ADGRG7: variants seen among roughly 807,000 people sequenced by gnomAD.
The protein encoded by ADGRG7 is adhesion G protein-coupled receptor G7.
Under a neutral mutation model 88.6 loss-of-function variants are expected in ADGRG7, and 82 were observed. The ratio of observed to expected loss-of-function variants is 0.93; its 90% CI spans 0.77 to 1.11. The LOEUF is 1.11. ADGRG7 is among the 50% of genes most tolerant of loss of function. The pLI, the probability that ADGRG7 is intolerant of heterozygous loss-of-function variation, is 0.00. For synonymous variants in ADGRG7, 381 were observed against 345.2 expected (o/e 1.10, Z -1.15); for missense variants, 945 against 953.4 (o/e 0.99, Z 0.12).
At chr3:100,680,473 A>C (rs1325899815) in intron 15 of ADGRG7, among the ~76,000 whole-genome samples, 2 of 151,900 alleles carry the variant, frequency 1.3e-5, no homozygotes, top group East Asian at 3.9e-4. Context: ...ATATGGGTTA[A>C]TTTGTGTCTA....
intron 10 of ADGRG7, among the ~76,000 whole-genome samples, chr3:100,647,925 C>T (rs1394567926): frequency 8.5e-5 from 13 of 152,138 alleles, no homozygotes; most frequent in African/African-American, 3.1e-4. Context: ...ATTATCAAAG[C>T]ACAGAACCTT....
At chr3:100,674,467 A>G (rs141432832) in intron 15 of ADGRG7, among the ~76,000 whole-genome samples, 220 of 152,068 alleles carry the variant, frequency 1.4e-3, no homozygotes, top group African/African-American at 5.0e-3. Context: ...AATTGGTTGC[A>G]TGCAGGTTTT....
chr3:100,673,988 T>A (rs2094961825), intron 15 of ADGRG7, among the ~76,000 whole-genome samples: 1 of 152,226 alleles, frequency 6.6e-6, no homozygotes, highest in Non-Finnish European at 1.5e-5. Flanking sequence ...ACAGTGTCAA[T>A]CTTAGATCTT....
Position 100,659,668 on chromosome 3 carries a change from ATT to A in ADGRG7, c.1824-11_1824-10del. The A allele has an allele frequency of 6.6e-7, 1 of 1,514,378 alleles. No individual in the cohort carries two copies. 93.8% of individuals were successfully genotyped at this position (1,514,378 alleles called of 1,614,324 possible). ...ATACCTTTCTTAGTCTGCTGAAGCAATTTTTTTTTTCCTCCACAGCTGCTGGC... is the reference window on the plus strand; with the variant it reads ...ATACCTTTCTTAGTCTGCTGAAGCAATTTTTTTTCCTCCACAGCTGCTGGC... On this transcript the variant is annotated intron_variant, in intron 13 of 15. Coordinates refer to ENST00000273352, the MANE Select transcript of ADGRG7 (RefSeq NM_032787.3).
At chr3:100,661,378 C>T (rs980550505) in intron 14 of ADGRG7, among the ~76,000 whole-genome samples, 15 of 152,152 alleles carry the variant, frequency 9.9e-5, no homozygotes, top group African/African-American at 3.6e-4. Context: ...TGAGTAAAAG[C>T]CACCATCTTT....
At chr3:100,657,987 A>C (rs1189350731) in intron 13 of ADGRG7, among the ~76,000 whole-genome samples, 1 of 152,218 alleles carries the variant, frequency 6.6e-6, no homozygotes, top group African/African-American at 2.4e-5. Context: ...AATAAAATTA[A>C]TTGAATGCCA....
At chr3:100,659,435 G>A (rs1332636895) in intron 13 of ADGRG7, among the ~76,000 whole-genome samples, 1 of 60,174 alleles carries the variant, frequency 1.7e-5, no homozygotes. Flanking sequence ...GCAAGACTCA[G>A]TCTCAAAAAA....
At chr3:100,679,812 G>A (rs1166080279) in intron 15 of ADGRG7, among the ~76,000 whole-genome samples, 1 of 152,164 alleles carries the variant, frequency 6.6e-6, no homozygotes, top group Non-Finnish European at 1.5e-5. Context: ...GATTGATACA[G>A]ACAGTGTTAT....
intron 15 of ADGRG7, 97 bp from the exon 16 acceptor site, chr3:100,694,647 G>A: frequency 8.8e-7 from 1 of 1,135,426 alleles, no homozygotes; most frequent in East Asian, 2.4e-5. Flanking sequence ...GAAGTGCCGT[G>A]CAGATGAGAA....
At position 100,629,619 on chromosome 3, in the gene ADGRG7, G is replaced by C. The variant is rs532137582; in HGVS notation, c.137G>C (p.Ser46Thr). The C allele has an allele frequency of 2.5e-6, 4 of 1,612,054 alleles. No homozygotes were observed. In the African/African-American group the frequency reaches 5.3e-5, roughly 22 times the overall value. ...TTAGGAAAATCTACTTCCTCATCAA[G>C]CACCCCTACAGAGTTCTGCAGGAAT... ...IQRGKSTSSS[S>T]TPTEFCRNGG... The change falls in exon 2 of 16, where the codon AGC becomes ACC. Residue 46 changes from serine (S) to threonine (T), a missense_variant. Transcript: ENST00000273352.
At chr3:100,638,081 T>C (rs1707576774) in intron 6 of ADGRG7, among the ~76,000 whole-genome samples, 1 of 152,222 alleles carries the variant, frequency 6.6e-6, no homozygotes, top group Non-Finnish European at 1.5e-5. Flanking sequence ...AGCTCCACCA[T>C]CCATGGACAA....
chr3:100,645,590 C>G (rs1707730088), intron 8 of ADGRG7, among the ~76,000 whole-genome samples: 1 of 152,112 alleles, frequency 6.6e-6, no homozygotes, highest in Non-Finnish European at 1.5e-5. Context: ...CTGGAGCTAC[C>G]CACATGTTGT....
intron 14 of ADGRG7, among the ~76,000 whole-genome samples, chr3:100,660,351 C>T (rs2094943549): frequency 6.6e-6 from 1 of 152,146 alleles, no homozygotes; most frequent in Non-Finnish European, 1.5e-5. Context: ...GCCATCCAGG[C>T]TGGAGTGCAG....
chr3:100,639,010 CTGTGTGTGTGTGTGTGTGTGTG>C (rs56088926), intron 6 of ADGRG7, among the ~76,000 whole-genome samples: 3,821 of 147,116 alleles, frequency 0.026, 82 homozygotes, highest in Non-Finnish European at 0.036. Flanking sequence ...CCCTCTGTTT[CTGTGTGTGTGTGTGTGTGTGTG>C]TGTGTGTGTG....
intron 15 of ADGRG7, among the ~76,000 whole-genome samples, chr3:100,687,136 G>A (rs2149042676): frequency 6.6e-6 from 1 of 152,254 alleles, no homozygotes. Flanking sequence ...TATTCTCTTA[G>A]AAGCAATTGT....
intron 5 of ADGRG7, among the ~76,000 whole-genome samples, chr3:100,636,848 G>T (rs1214847043): frequency 6.6e-6 from 1 of 152,166 alleles, no homozygotes; most frequent in Non-Finnish European, 1.5e-5. Flanking sequence ...ACACACTCCT[G>T]AGTTATTGAT....
rs1576344344 is a variant in ADGRG7 at position 100,694,761 on chromosome 3, C to G, written c.2154C>G (p.Ile718Met). Residue 718 changes from isoleucine (I) to methionine (M), a missense_variant, in exon 16 of 16, where the codon ATC (isoleucine) becomes ATG (methionine). Ile to Met is a conservative substitution (Grantham distance 10). Coordinates refer to ENST00000273352, the MANE Select transcript of ADGRG7 (RefSeq NM_032787.3). ...ATCTGCAGGGATTGCAAATTTTTAT[C>G]CTGTACACTGTTAGAACAAAAGTCT... is the stretch of plus-strand genomic sequence containing the variant. Reference protein sequence around the residue: ...FNTTQGLQIFILYTVRTKVFQ... With the variant: ...FNTTQGLQIFMLYTVRTKVFQ... 3 of 1,613,952 alleles carry G rather than the reference C, an allele frequency of 1.9e-6. No individual in the cohort carries two copies. The highest frequency in any genetic ancestry group is 1.3e-5 in the African/African-American group (1 of 75,034).
rs944139697 is a variant in ADGRG7 at position 100,695,275 on chromosome 3, C to A, written c.*274C>A. On this transcript the variant is annotated 3_prime_UTR_variant, in exon 16 of 16. Coordinates refer to ENST00000273352, the MANE Select transcript of ADGRG7 (RefSeq NM_032787.3). ...TATATCGTTAAATCTTTGTGACACA[C>A]TTTGACAAAAATGTAGAACCTATAA... is the stretch of plus-strand genomic sequence containing the variant. 9.6e-5 allele frequency: 32 copies of A among 333,170 alleles called. No individual in the cohort carries two copies. Among genetic ancestry groups the A allele is most frequent in the Non-Finnish European group, 2.7e-5 (5 of 183,630 alleles). The allele number at this position is 333,170 out of a possible 1,614,324, so 20.6% of individuals were successfully genotyped here.
At position 100,609,819 on chromosome 3, in the gene ADGRG7, T is replaced by C; in HGVS notation, c.-38T>C. Reference sequence around the variant, plus strand: ...GCTCAAGAAGAAAAGAAGCTAGTTATTTCTCACCCAGGAGTGGATTTGTGG... The same window carrying C: ...GCTCAAGAAGAAAAGAAGCTAGTTACTTCTCACCCAGGAGTGGATTTGTGG... On this transcript the variant is annotated 5_prime_UTR_variant, in exon 1 of 16. Coordinates refer to ENST00000273352, the MANE Select transcript of ADGRG7 (RefSeq NM_032787.3). 12 of 1,478,734 alleles carry C rather than the reference T, an allele frequency of 8.1e-6. No individual in the cohort carries two copies. Among genetic ancestry groups the C allele is most frequent in the Non-Finnish European group, 1.1e-5 (12 of 1,057,786 alleles). 91.6% of individuals were successfully genotyped at this position (1,478,734 alleles called of 1,614,324 possible).
Sources: allele counts gnomAD v4.1 joint callset (sites outside exome capture counted in the v4.1 genomes callset), GRCh38; gene constraint gnomAD v4.1.1; transcripts MANE v1.5; gene names NCBI Gene and HGNC (gene_info 2026-07-23, HGNC 2026-07-21).